The following UCP1 variants were observed in gnomAD, a reference collection of about 807,000 sequenced individuals.
UCP1 encodes mitochondrial brown fat uncoupling protein 1.
In UCP1, 24 loss-of-function variants were observed where a neutral mutation model predicts 26.2. The observed-to-expected ratio is 0.92, with a 90% CI of 0.66 to 1.29. The LOEUF (loss-of-function observed/expected upper bound fraction) is 1.29, where lower values mean the gene tolerates loss of function less well. Among genes scored for constraint, UCP1 ranks in the 50% most tolerant of loss-of-function variants. The probability of loss-of-function intolerance (pLI) is 0.00; values close to 1 mark genes in which losing one functional copy is unlikely to be tolerated. For synonymous variants in UCP1, 164 were observed against 156.8 expected (o/e 1.05, Z -0.34); for missense variants, 402 against 388.7 (o/e 1.03, Z -0.29).
Position 140,568,709 on chromosome 4 carries a change from C to A in UCP1, c.21G>T (p.Ser7=). 6.3e-7 allele frequency: 1 copy of A among 1,598,822 alleles called. No homozygotes were observed. The highest frequency in any genetic ancestry group is 8.5e-7 in the Non-Finnish European group (1 of 1,174,192). The change falls in exon 1 of 6, where the codon TCG becomes TCT. Residue 7 remains serine (S), a synonymous_variant. Transcript: ENST00000262999. MGGLTA[S]DVHPTLGVQL... The stretch of plus-strand genomic sequence containing the variant: ...GGACCCCCAGGGTCGGGTGTACGTC[C>A]GAGGCTGTCAGGCCCCCCATCTTCA...
chr4:140,560,081 T>A, intron 5 of UCP1, 71 bp from the exon 6 acceptor site: 2 of 1,209,090 alleles, frequency 1.7e-6, no homozygotes, highest in Non-Finnish European at 2.4e-6. Flanking sequence ...GAGATGAGGC[T>A]TCACCCTGCC....
At position 140,563,607 on chromosome 4, in the gene UCP1, T is replaced by C. The variant is rs1473826428; in HGVS notation, c.326-89A>G. 4 of 1,295,672 alleles carry C rather than the reference T, an allele frequency of 3.1e-6. No homozygotes were observed. The Middle Eastern group carries it at 6.1e-4, about 199-fold the overall frequency. 80.3% of individuals were successfully genotyped at this position (1,295,672 alleles called of 1,614,324 possible). Reference sequence around the variant, plus strand: ...TTTTAATTTTCAGTGGTTCATATTTTTGTATTTTTTTTTTTTTTGAGATGG... The same window carrying C: ...TTTTAATTTTCAGTGGTTCATATTTCTGTATTTTTTTTTTTTTTGAGATGG... On this transcript the variant is annotated intron_variant, in intron 2 of 5. Transcript: ENST00000262999.
At position 140,567,889 on chromosome 4, in the gene UCP1, ATCCGCCCT is replaced by A. The variant is rs1327992399; in HGVS notation, c.207_214del (p.Glu69AspfsTer41). The A allele has an allele frequency of 6.2e-7, 1 of 1,614,052 alleles. No individual in the cohort carries two copies. Among genetic ancestry groups the A allele is most frequent in the Non-Finnish European group, 8.5e-7 (1 of 1,180,044 alleles). On this transcript the variant is annotated frameshift_variant, in exon 2 of 6. Transcript: ENST00000262999. LOFTEE classifies it high-confidence loss of function. ...CGCAGGCAGCCCGCTGTAGAGTTTC[ATCCGCCCT>A]TCTGTTTTTACCACAGCGGTGATTG...
intron 5 of UCP1, among the ~76,000 whole-genome samples, chr4:140,561,273 A>G (rs775438102): frequency 6.6e-6 from 1 of 152,232 alleles, no homozygotes; most frequent in Non-Finnish European, 1.5e-5. Context: ...TAAAAAGGTA[A>G]TATAATTTTA....
At chr4:140,563,266 A>G (rs1735721142) in intron 3 of UCP1, 52 bp downstream of exon 3, 4 of 1,611,592 alleles carry the variant, frequency 2.5e-6, no homozygotes, top group Non-Finnish European at 2.5e-6. Context: ...ATAAGTTGCT[A>G]GTTGTATGTA....
At chr4:140,567,567 G>T (rs555457768) in intron 2 of UCP1, among the ~76,000 whole-genome samples, 1 of 152,182 alleles carries the variant, frequency 6.6e-6, no homozygotes, top group Non-Finnish European at 1.5e-5. Context: ...CCATGACTGG[G>T]TGACCTTTAC....
chr4:140,562,095 T>C, intron 5 of UCP1, 98 bp downstream of exon 5: 2 of 1,392,666 alleles, frequency 1.4e-6, no homozygotes, highest in South Asian at 2.3e-5. Flanking sequence ...ATGAATATAC[T>C]AAGGCTTGTA....
At position 140,559,835 on chromosome 4, in the gene UCP1, G is replaced by T; in HGVS notation, c.*61C>A. 2.1e-6 allele frequency: 3 copies of T among 1,418,124 alleles called. No homozygotes were observed. In the East Asian group the frequency reaches 6.8e-5, roughly 32 times the overall value. 87.8% of individuals were successfully genotyped at this position (1,418,124 alleles called of 1,614,324 possible). ...TAAAATAAGTGAATAAGTTTTGTTT[G>T]TTTTTATGATCCAGTCAGCAAGATT... On this transcript the variant is annotated 3_prime_UTR_variant, in exon 6 of 6. Coordinates refer to ENST00000262999, the MANE Select transcript of UCP1 (RefSeq NM_021833.5).
intron 4 of UCP1, 24 bp from the exon 5 acceptor site, chr4:140,562,397 TCAA>T (rs528186894): frequency 5.5e-4 from 884 of 1,613,136 alleles, no homozygotes; most frequent in Non-Finnish European, 6.9e-4. Flanking sequence ...ATGAAACAGG[TCAA>T]CATCAGACTT....
At position 140,567,778 on chromosome 4, in the gene UCP1, C is replaced by T; in HGVS notation, c.325+1G>A. 1.9e-6 allele frequency: 3 copies of T among 1,613,950 alleles called. No homozygotes were observed. The highest frequency in any genetic ancestry group is 2.5e-6 in the Non-Finnish European group (3 of 1,179,936). On this transcript the variant is annotated splice_donor_variant, in intron 2 of 5. Coordinates refer to ENST00000262999, the MANE Select transcript of UCP1 (RefSeq NM_021833.5). LOFTEE classifies it high-confidence loss of function. Reference sequence around the variant, plus strand: ...CCCTCCCAGGAACGCTCACGGCTTACTTTCTTTCCCTGCGGTGAGGAACTC... The same window carrying T: ...CCCTCCCAGGAACGCTCACGGCTTATTTTCTTTCCCTGCGGTGAGGAACTC...
intron 2 of UCP1, among the ~76,000 whole-genome samples, chr4:140,566,432 T>G (rs1335575922): frequency 2.6e-5 from 4 of 152,204 alleles, no homozygotes; most frequent in Non-Finnish European, 4.4e-5. Context: ...CAACAATTGG[T>G]AGAACAGTCA....
chr4:140,560,474 G>A (rs1180650959), intron 5 of UCP1, among the ~76,000 whole-genome samples: 1 of 151,986 alleles, frequency 6.6e-6, no homozygotes, highest in Admixed American at 6.6e-5. Flanking sequence ...TTTTTTGAGG[G>A]AAGGGGGAAT....
chr4:140,568,043 C>T (rs1320269192), intron 1 of UCP1, 66 bp from the exon 2 acceptor site: 1 of 1,542,148 alleles, frequency 6.5e-7, no homozygotes, highest in Non-Finnish European at 8.9e-7. Flanking sequence ...CCAAGATTTC[C>T]CCCTGTGTTC....
At chr4:140,568,385 A>C (rs1735852282) in intron 1 of UCP1, among the ~76,000 whole-genome samples, 1 of 152,088 alleles carries the variant, frequency 6.6e-6, no homozygotes, top group Non-Finnish European at 1.5e-5. Flanking sequence ...GTCATGGTCA[A>C]CCCATTCTCT....
intron 2 of UCP1, among the ~76,000 whole-genome samples, chr4:140,564,870 A>G (rs1468635906): frequency 2.0e-5 from 3 of 152,044 alleles, no homozygotes; most frequent in Non-Finnish European, 4.4e-5. Context: ...TTTAAGAACT[A>G]AAAGAAATTT....
chr4:140,564,144 G>A (rs926453870), intron 2 of UCP1, among the ~76,000 whole-genome samples: 4 of 151,974 alleles, frequency 2.6e-5, no homozygotes, highest in Non-Finnish European at 4.4e-5. Flanking sequence ...AGTATTATCC[G>A]ACTGTGAGGA....
intron 2 of UCP1, 47 bp downstream of exon 2, chr4:140,567,732 C>A (rs374265325): frequency 1.2e-6 from 2 of 1,609,522 alleles, no homozygotes; most frequent in Non-Finnish European, 1.7e-6. Flanking sequence ...TGGAACAGAG[C>A]GGAGCCCAAG....
chr4:140,559,961 CA>C lies in UCP1; in HGVS notation c.858del (p.Phe286LeufsTer7). On this transcript the variant is annotated frameshift_variant, in exon 6 of 6. Transcript: ENST00000262999. LOFTEE classifies it high-confidence loss of function. ...LRLGSWNVIM[F>X]VCFEQLKREL... ...TCTCGTTTCAGTTGTTCAAAGCACACAAACATAATGACGTTCCAGGATCCAA... is the reference window on the plus strand; with the variant it reads ...TCTCGTTTCAGTTGTTCAAAGCACACAACATAATGACGTTCCAGGATCCAA... 6.2e-7 allele frequency: 1 copy of C among 1,614,008 alleles called. No homozygotes were observed. Among genetic ancestry groups the C allele is most frequent in the Non-Finnish European group, 8.5e-7 (1 of 1,179,984 alleles).
Position 140,559,723 on chromosome 4 carries a change from A to G in UCP1, c.*173T>C. ...TTCTTAAGACACTGAGAAAAAAAAA[A>G]AGTTATATGAAATAGGCATTAATTT... is the stretch of plus-strand genomic sequence containing the variant. On this transcript the variant is annotated 3_prime_UTR_variant, in exon 6 of 6. Transcript: ENST00000262999. 1 of 636,796 alleles carries G rather than the reference A, an allele frequency of 1.6e-6. No homozygotes were observed. 39.4% of individuals were successfully genotyped at this position (636,796 alleles called of 1,614,324 possible).
Sources: gnomAD v4.1 joint callset for allele counts (sites outside exome capture counted in the v4.1 genomes callset) on GRCh38, gnomAD v4.1.1 for gene constraint, MANE v1.5 for transcripts, NCBI Gene and HGNC (gene_info 2026-07-23, HGNC 2026-07-21) for gene names.